The following NEK1 variants were observed in gnomAD, a reference collection of about 807,000 sequenced individuals.
The protein encoded by NEK1 is serine/threonine-protein kinase Nek1.
A neutral mutation model predicts 182.1 loss-of-function variants in NEK1; 137 were observed. The ratio of observed to expected loss-of-function variants is 0.75; its 90% CI spans 0.65 to 0.87. The LOEUF (loss-of-function observed/expected upper bound fraction) is 0.87. NEK1 is among the 40% of genes least tolerant of loss of function. The pLI, the probability that NEK1 is intolerant of heterozygous loss-of-function variation, is 0.00. For missense variants in NEK1, 1,391 were observed against 1,494.4 expected, an observed-to-expected ratio of 0.93 and a Z score of 1.14; for synonymous variants, 513 against 492.2, an observed-to-expected ratio of 1.04 and a Z score of -0.56.
At chr4:169,521,811 G>A (rs893053961) in intron 19 of NEK1, among the ~76,000 whole-genome samples, 7 of 152,100 alleles carry the variant, frequency 4.6e-5, no homozygotes, top group African/African-American at 1.7e-4. Flanking sequence ...TCAAATTGGT[G>A]TACTTTCATA....
At chr4:169,477,063 A>T in intron 26 of NEK1, 61 bp downstream of exon 26, 1 of 1,054,048 alleles carries the variant, frequency 9.5e-7, no homozygotes, top group Non-Finnish European at 1.3e-6. Context: ...CAGAGTGGTT[A>T]GTCTATAAGT....
At chr4:169,430,726 C>T (rs1211662613) in intron 29 of NEK1, among the ~76,000 whole-genome samples, 4 of 151,882 alleles carry the variant, frequency 2.6e-5, no homozygotes, top group Non-Finnish European at 5.9e-5. Flanking sequence ...AATAGTGAAC[C>T]CTAATGTAAA....
chr4:169,555,819 G>A lies in NEK1; in HGVS notation c.1463C>T (p.Pro488Leu), dbSNP rs759668045. 3.1e-6 allele frequency: 5 copies of A among 1,613,728 alleles called. No homozygotes were observed. In the African/African-American group the frequency reaches 6.7e-5, roughly 22 times the overall value. ...ATGGTGATGACCTGCAGCCCCATAA[G>A]GAAATCCTGGACGAACTCCAGGCAG... Reference protein sequence around the residue: ...GILPGVRPGFPYGAAGHHHFP... With the variant: ...GILPGVRPGFLYGAAGHHHFP... Residue 488 changes from proline (P) to leucine (L), a missense_variant, in exon 18 of 36, where the codon CCT becomes CTT. By Grantham distance (98) the Pro-to-Leu change is moderately conservative (BLOSUM62 -3). This residue lies in a region of NEK1 where 1,216 missense variants were observed against 1,277.6 expected (regional missense o/e 0.95). Coordinates refer to ENST00000507142, the MANE Select transcript of NEK1 (RefSeq NM_001199397.3).
chr4:169,593,882 G>A (rs1020086062), intron 5 of NEK1, among the ~76,000 whole-genome samples: 10 of 152,072 alleles, frequency 6.6e-5, no homozygotes, highest in South Asian at 2.1e-4. Context: ...CTAGCTACGC[G>A]GGAGGCTGAG....
At chr4:169,577,702 C>T (rs1051180256) in intron 11 of NEK1, among the ~76,000 whole-genome samples, 2 of 151,816 alleles carry the variant, frequency 1.3e-5, no homozygotes, top group South Asian at 2.1e-4. Flanking sequence ...TGCAGTGAGC[C>T]GAGATTGCGC....
chr4:169,496,460 G>A (rs1004253060), intron 23 of NEK1, among the ~76,000 whole-genome samples: 16 of 151,212 alleles, frequency 1.1e-4, no homozygotes, highest in Non-Finnish European at 2.2e-4. Flanking sequence ...AGTGGTGAGA[G>A]AGGGCATCCC....
At chr4:169,433,021 TC>T (rs1406658853) in intron 29 of NEK1, among the ~76,000 whole-genome samples, 1 of 151,990 alleles carries the variant, frequency 6.6e-6, no homozygotes, top group Non-Finnish European at 1.5e-5. Context: ...CTCCTCGGCC[TC>T]CCAAAGTACT....
Position 169,612,028 on chromosome 4 carries a change from C to T in NEK1, c.-57G>A, listed in dbSNP as rs189230519. ...CCCCAAGTGGAACTCACCTCAGTGA[C>T]ACAGGACGTTAGTAGGAATAACGGT... On this transcript the variant is annotated 5_prime_UTR_variant, in exon 2 of 36. Transcript: ENST00000507142. The T allele has an allele frequency of 6.6e-6, 1 of 152,324 alleles. No homozygotes were observed. 9.4% of individuals were successfully genotyped at this position (152,324 alleles called of 1,614,324 possible).
intron 23 of NEK1, among the ~76,000 whole-genome samples, chr4:169,484,399 A>G (rs1022383175): frequency 1.3e-5 from 2 of 152,224 alleles, no homozygotes; most frequent in African/African-American, 4.8e-5. Context: ...CAAATCCACA[A>G]TATTTGACAA....
intron 2 of NEK1, among the ~76,000 whole-genome samples, chr4:169,604,694 C>A (rs1191519336): frequency 6.6e-6 from 1 of 152,154 alleles, no homozygotes; most frequent in African/African-American, 2.4e-5. Flanking sequence ...CCTTAAATGA[C>A]AAACATCATA....
intron 5 of NEK1, among the ~76,000 whole-genome samples, chr4:169,596,066 T>A (rs1241493304): frequency 6.6e-6 from 1 of 152,094 alleles, no homozygotes; most frequent in Non-Finnish European, 1.5e-5. Context: ...GACCTTGGCA[T>A]ATTTGGAGAT....
intron 31 of NEK1, among the ~76,000 whole-genome samples, chr4:169,413,185 T>G (rs1170518015): frequency 7.4e-6 from 1 of 135,796 alleles, no homozygotes; most frequent in Non-Finnish European, 1.6e-5. Flanking sequence ...TTTTTTTTTT[T>G]GAGACAGGGT....
chr4:169,450,030 A>C (rs1241050791), intron 27 of NEK1, among the ~76,000 whole-genome samples: 2 of 152,242 alleles, frequency 1.3e-5, no homozygotes, highest in Non-Finnish European at 2.9e-5. Flanking sequence ...TTCGTGACAC[A>C]TGCATGAGCT....
intron 31 of NEK1, among the ~76,000 whole-genome samples, chr4:169,413,600 T>G (rs1290841166): frequency 6.6e-6 from 1 of 152,232 alleles, no homozygotes; most frequent in Non-Finnish European, 1.5e-5. Context: ...AATCAGTCTT[T>G]GTCTCTGTGT....
chr4:169,412,961 G>A (rs1733920412), intron 31 of NEK1, among the ~76,000 whole-genome samples: 1 of 151,898 alleles, frequency 6.6e-6, no homozygotes, highest in African/African-American at 2.4e-5. Context: ...GGGAGATTGA[G>A]ATTGAATGTC....
intron 26 of NEK1, among the ~76,000 whole-genome samples, chr4:169,469,965 CT>C (rs1372824927): frequency 3.1e-5 from 2 of 63,988 alleles, no homozygotes; most frequent in Non-Finnish European, 7.0e-5. Flanking sequence ...TTTTTTTTTG[CT>C]TTTCATTTGC....
intron 31 of NEK1, among the ~76,000 whole-genome samples, chr4:169,418,948 T>A (rs564437910): frequency 6.6e-6 from 1 of 152,166 alleles, no homozygotes; most frequent in African/African-American, 2.4e-5. Flanking sequence ...TATACAGCAT[T>A]GGTCCCATAA....
chr4:169,493,359 G>T (rs1461439132), intron 23 of NEK1, among the ~76,000 whole-genome samples: 5 of 152,176 alleles, frequency 3.3e-5, no homozygotes, highest in African/African-American at 1.2e-4. Context: ...AGGAATCAGT[G>T]AAAGAACTCT....
chr4:169,415,514 CT>C (rs1734394237), intron 31 of NEK1, among the ~76,000 whole-genome samples: 1 of 150,138 alleles, frequency 6.7e-6, no homozygotes, highest in Admixed American at 6.6e-5. Flanking sequence ...AAATCTTATA[CT>C]CAATATTAAT....
Sources: allele counts gnomAD v4.1 joint callset (sites outside exome capture counted in the v4.1 genomes callset), GRCh38; gene constraint gnomAD v4.1.1; regional missense constraint gnomAD v4.1.1; transcripts MANE v1.5; gene names NCBI Gene and HGNC (gene_info 2026-07-23, HGNC 2026-07-21).